Variants in USH2A observed in about 807,000 individuals in gnomAD.
The protein encoded by USH2A is Usher syndrome 2A (autosomal recessive, mild).
Under a neutral mutation model 538.9 loss-of-function variants are expected in USH2A, and 443 were observed. That is an observed-to-expected ratio of 0.82 (90% confidence interval 0.76 to 0.89). The LOEUF is 0.89. Among genes scored for constraint, USH2A ranks in the 40% least tolerant of loss-of-function variants. The pLI, the probability that USH2A is intolerant of heterozygous loss-of-function variation, is 0.00. For synonymous variants in USH2A, 2,413 were observed against 2,273.5 expected (o/e 1.06, Z -1.75); for missense variants, 6,633 against 6,324.8 (o/e 1.05, Z -1.65).
rs1660885021 is a variant in USH2A at position 215,758,639 on chromosome 1, G to A, written c.11345C>T (p.Thr3782Ile). 6.2e-7 allele frequency: 1 copy of A among 1,613,224 alleles called. No homozygotes were observed. The highest frequency in any genetic ancestry group is 8.5e-7 in the Non-Finnish European group (1 of 1,179,766). ...PEEIYPPYNITVIGPYSIFVA... is the reference protein window; with the variant it reads ...PEEIYPPYNIIVIGPYSIFVA... ...AAATATAGAATAAGGCCCAATTACT[G>A]TGATATTATATGGAGGATAGATTTC... The change falls in exon 58 of 72, where the codon ACA becomes ATA. Residue 3782 changes from threonine to isoleucine, a missense_variant. Physicochemically the swap from Thr to Ile is moderately conservative, Grantham distance 89 (BLOSUM62 -1). Transcript: ENST00000307340.
chr1:215,943,151 G>A (rs1350276751), intron 37 of USH2A, among the ~76,000 whole-genome samples: 1 of 152,036 alleles, frequency 6.6e-6, no homozygotes, highest in South Asian at 2.1e-4. Flanking sequence ...CAAGGCATAA[G>A]CAAGATGAAG....
At chr1:215,954,458 G>A (rs971284374) in intron 37 of USH2A, among the ~76,000 whole-genome samples, 4 of 150,606 alleles carry the variant, frequency 2.7e-5, no homozygotes, top group Non-Finnish European at 5.9e-5. Flanking sequence ...GCAAACTATC[G>A]CAAGGACAAA....
intron 30 of USH2A, among the ~76,000 whole-genome samples, chr1:216,061,735 C>T (rs1196985421): frequency 1.3e-5 from 2 of 152,120 alleles, no homozygotes; most frequent in African/African-American, 4.8e-5. Context: ...AGTGAAACGA[C>T]CAAAGTTTTA....
intron 35 of USH2A, among the ~76,000 whole-genome samples, chr1:215,987,381 A>G (rs535498158): frequency 6.6e-6 from 1 of 152,338 alleles, no homozygotes; most frequent in East Asian, 1.9e-4. Flanking sequence ...GTCCTACATA[A>G]TAAGGGTTCC....
intron 37 of USH2A, among the ~76,000 whole-genome samples, chr1:215,948,600 T>C (rs550012354): frequency 6.6e-6 from 1 of 152,076 alleles, no homozygotes; most frequent in African/African-American, 2.4e-5. Context: ...ATAATCTTTG[T>C]AATGGATTTA....
Position 215,675,405 on chromosome 1 carries a change from G to T in USH2A, c.12506C>A (p.Thr4169Asn). 1 of 1,614,092 alleles carries T rather than the reference G, an allele frequency of 6.2e-7. No individual in the cohort carries two copies. Among genetic ancestry groups the T allele is most frequent in the Non-Finnish European group, 8.5e-7 (1 of 1,180,016 alleles). The part of the protein sequence containing the change: ...LAPTVHSVKS[T>N]SVELSWSEPV... Reference sequence around the variant, plus strand: ...CTCAGACCAGCTCAGCTCAACACTGGTGGACTTCACAGAGTGGACAGTAGG... The same window carrying T: ...CTCAGACCAGCTCAGCTCAACACTGTTGGACTTCACAGAGTGGACAGTAGG... Residue 4169 changes from threonine to asparagine, a missense_variant, in exon 63 of 72, where the codon ACC becomes AAC. Coordinates refer to ENST00000307340, the MANE Select transcript of USH2A (RefSeq NM_206933.4).
At chr1:215,927,649 T>C (rs1260167730) in intron 38 of USH2A, among the ~76,000 whole-genome samples, 1 of 152,080 alleles carries the variant, frequency 6.6e-6, no homozygotes, top group Non-Finnish European at 1.5e-5. Flanking sequence ...AGCAAAGAAC[T>C]GAAAACTATT....
intron 60 of USH2A, among the ~76,000 whole-genome samples, chr1:215,738,605 T>C (rs1270354883): frequency 6.6e-6 from 1 of 152,150 alleles, no homozygotes; most frequent in African/African-American, 2.4e-5. Context: ...TTTAATAGGA[T>C]AATATCTAGA....
Position 216,318,044 on chromosome 1 carries a change from C to T in USH2A, c.1644+3839G>A, listed in dbSNP as rs554629785. ...CCTTAGGATGGCTAAATATGTGAAC[C>T]TGCCCCTGAATTCACCATTCACCTT... On this transcript the variant is annotated intron_variant, in intron 9 of 71. Transcript: ENST00000307340. Among the ~76,000 whole-genome samples the T allele has an allele frequency of 2.6e-5, 4 of 152,184 alleles. No homozygotes were observed. In the South Asian group the frequency reaches 8.3e-4, roughly 32 times the overall value.
Position 216,251,239 on chromosome 1 carries a change from G to C in USH2A, c.1972-141C>G, listed in dbSNP as rs1007708853. 1.2e-4 allele frequency: 100 copies of C among 814,640 alleles called. 3 individuals are homozygous for C. In the East Asian group the frequency reaches 1.7e-3, roughly 14 times the overall value. 50.5% of individuals were successfully genotyped at this position (814,640 alleles called of 1,614,324 possible). ...AAGGTAATAAGATATTTTTCCTCTT[G>C]ACACACAACATGGGAGGCTTCAGCA... On this transcript the variant is annotated intron_variant, in intron 11 of 71. Transcript: ENST00000307340.
chr1:216,415,751 T>A (rs1287488520), intron 3 of USH2A, among the ~76,000 whole-genome samples: 1 of 151,988 alleles, frequency 6.6e-6, no homozygotes, highest in African/African-American at 2.4e-5. Context: ...GGCCTCGAAC[T>A]CCTGGTTCGA....
intron 13 of USH2A, among the ~76,000 whole-genome samples, chr1:216,232,975 C>A (rs2035731180): frequency 6.6e-6 from 1 of 152,174 alleles, no homozygotes; most frequent in Non-Finnish European, 1.5e-5. Flanking sequence ...CCCAGGTTTA[C>A]ACCCAGACCA....
rs56032526 is a variant in USH2A at position 215,838,019 on chromosome 1, T to C, written c.9343A>G (p.Thr3115Ala). The C allele has an allele frequency of 0.048, 77,143 of 1,613,802 alleles. 2,531 individuals are homozygous for C. The highest frequency in any genetic ancestry group is 0.15 in the East Asian group (6,772 of 44,850). Reference sequence around the variant, plus strand: ...GAAGTGATGCCACGAATTGTGGGTGTTGGTATATCACTTGGAGTGTCTTCC... The same window carrying C: ...GAAGTGATGCCACGAATTGTGGGTGCTGGTATATCACTTGGAGTGTCTTCC... ...TVEDTPSDIPTPTIRGITSRS... is the reference protein window; with the variant it reads ...TVEDTPSDIPAPTIRGITSRS... The change falls in exon 47 of 72, where the codon ACA (threonine) becomes GCA (alanine). Residue 3115 changes from threonine to alanine, a missense_variant. Physicochemically the swap from Thr to Ala is moderately conservative, Grantham distance 58. Transcript: ENST00000307340.
intron 61 of USH2A, among the ~76,000 whole-genome samples, chr1:215,688,718 T>A (rs559453065): frequency 5.3e-5 from 8 of 152,224 alleles, no homozygotes; most frequent in African/African-American, 1.9e-4. Context: ...CTTCTTCTTA[T>A]AAGAACATTA....
At chr1:216,283,326 G>A (rs182761771) in intron 11 of USH2A, among the ~76,000 whole-genome samples, 176 of 152,250 alleles carry the variant, frequency 1.2e-3, no homozygotes, top group Non-Finnish European at 2.1e-3. Context: ...TGCTGACCTC[G>A]TGATCCACCC....
Position 215,838,022 on chromosome 1 carries a change from G to A in USH2A, c.9340C>T (p.Pro3114Ser), listed in dbSNP as rs201071654. ...TTVEDTPSDI[P>S]TPTIRGITSR... is the part of the protein sequence containing the mutation. The stretch of plus-strand genomic sequence containing the variant: ...GTGATGCCACGAATTGTGGGTGTTG[G>A]TATATCACTTGGAGTGTCTTCCACA... The change falls in exon 47 of 72, where the codon CCA becomes TCA. Residue 3114 changes from proline to serine, a missense_variant. Coordinates refer to ENST00000307340, the MANE Select transcript of USH2A (RefSeq NM_206933.4). 4.0e-4 allele frequency: 640 copies of A among 1,613,954 alleles called. 4 individuals are homozygous for A. In the East Asian group the frequency reaches 0.012, roughly 31 times the overall value.
chr1:215,625,881 AGCCAATCATCATTG>A lies in USH2A; in HGVS notation c.15520-25_15520-12del. ...CTCTTCATCCACATACTGAAAAATAAGCCAATCATCATTGGCTACATACTTGCTATCAATAGTAT... is the reference window on the plus strand; with the variant it reads ...CTCTTCATCCACATACTGAAAAATAAGCTACATACTTGCTATCAATAGTAT... On this transcript the variant is annotated splice_polypyrimidine_tract_variant and intron_variant, in intron 71 of 71. Coordinates refer to ENST00000307340, the MANE Select transcript of USH2A (RefSeq NM_206933.4). The A allele has an allele frequency of 1.9e-6, 3 of 1,613,212 alleles. No homozygotes were observed. The highest frequency in any genetic ancestry group is 1.7e-6 in the Non-Finnish European group (2 of 1,179,154).
rs1419003983 is a variant in USH2A, at chr1:216,396,205, A to C, written c.651+22309T>G. Among the ~76,000 whole-genome samples, 6 of 152,348 alleles carry C rather than the reference A, an allele frequency of 3.9e-5. No homozygotes were observed. The South Asian group carries it at 1.2e-3, about 32-fold the overall frequency. On this transcript the variant is annotated intron_variant, in intron 3 of 71. Coordinates refer to ENST00000307340, the MANE Select transcript of USH2A (RefSeq NM_206933.4). ...TGAGTACAAAAAAAAATCTTGAATC[A>C]AATGCTTACTCATTGCAAATGGACA... is the stretch of plus-strand genomic sequence containing the variant.
chr1:215,910,788 T>C (rs1263492434), intron 38 of USH2A, among the ~76,000 whole-genome samples: 2 of 151,940 alleles, frequency 1.3e-5, no homozygotes, highest in East Asian at 3.9e-4. Flanking sequence ...TTTAAGTTAC[T>C]TGAAGATAAG....
Sources: allele counts gnomAD v4.1 joint callset (sites outside exome capture counted in the v4.1 genomes callset), GRCh38; gene constraint gnomAD v4.1.1; transcripts MANE v1.5; gene names NCBI Gene and HGNC (gene_info 2026-07-23, HGNC 2026-07-21).